EXOC3L1: variants seen among roughly 807,000 people sequenced by gnomAD.
EXOC3L1 encodes the protein exocyst complex component 3-like protein.
A neutral mutation model predicts 83.6 loss-of-function variants in EXOC3L1; 79 were observed. The ratio of observed to expected loss-of-function variants is 0.95; its 90% confidence interval spans 0.79 to 1.14. The LOEUF is 1.14. Ranked by LOEUF, EXOC3L1 falls within the 50% of genes most tolerant of loss-of-function variation. EXOC3L1 has a pLI of 0.00. For missense variants in EXOC3L1, 945 were observed against 972.0 expected (o/e 0.97, Z 0.37); for synonymous variants, 433 against 451.2 (o/e 0.96, Z 0.51).
chr16:67,185,450 C>T lies in EXOC3L1; in HGVS notation c.1537G>A (p.Gly513Arg). The T allele has an allele frequency of 6.2e-7, 1 of 1,610,908 alleles. No individual in the cohort carries two copies. The highest frequency in any genetic ancestry group is 1.1e-5 in the South Asian group (1 of 91,076). The change falls in exon 10 of 14, where the codon GGG becomes AGG. Residue 513 changes from glycine (G) to arginine (R), a missense_variant. Coordinates refer to ENST00000314586, the MANE Select transcript of EXOC3L1 (RefSeq NM_178516.4). The part of the protein sequence containing the change: ...SVLQLDGAPS[G>R]ALAPVEAALD... ...GCAGCTTCCACTGGAGCCAAGGCCC[C>T]TGAAGGCGCCCCGTCCAGCTGCAGG...
chr16:67,189,184 G>A lies in EXOC3L1; in HGVS notation c.47-4C>T. On this transcript the variant is annotated splice_region_variant and splice_polypyrimidine_tract_variant and intron_variant, in intron 2 of 13. Transcript: ENST00000314586. Reference sequence around the variant, plus strand: ...TCCTGCTCTGGCCACTCAGGTCCTGGGAAGGAAGAGCCTGGGCAGCCGTGT... The same window carrying A: ...TCCTGCTCTGGCCACTCAGGTCCTGAGAAGGAAGAGCCTGGGCAGCCGTGT... 1 of 1,591,974 alleles carries A rather than the reference G, an allele frequency of 6.3e-7. No homozygotes were observed. The highest frequency in any genetic ancestry group is 2.3e-5 in the East Asian group (1 of 44,432).
chr16:67,186,295 T>C lies in EXOC3L1; in HGVS notation c.1438A>G (p.Met480Val). 1.3e-6 allele frequency: 2 copies of C among 1,576,618 alleles called. No individual in the cohort carries two copies. The highest frequency in any genetic ancestry group is 1.7e-6 in the Non-Finnish European group (2 of 1,160,188). Reference sequence around the variant, plus strand: ...AGGTAGGGCACGTAATGAGGGGCCATTGATTTCCCCCTGAAGTGGTCTCGG... The same window carrying C: ...AGGTAGGGCACGTAATGAGGGGCCACTGATTTCCCCCTGAAGTGGTCTCGG... ...FSRDHFRGKS[M>V]APHYVPYLLA... is the part of the protein sequence containing the mutation. The change falls in exon 9 of 14, where the codon ATG becomes GTG. Residue 480 changes from methionine (M) to valine (V), a missense_variant. Met to Val is a conservative substitution (Grantham distance 21). Transcript: ENST00000314586.
chr16:67,189,739 T>G, intron 1 of EXOC3L1, 56 bp from the exon 2 acceptor site: 1 of 1,531,478 alleles, frequency 6.5e-7, no homozygotes, highest in Non-Finnish European at 9.0e-7. Context: ...TAGATGCCCC[T>G]GTGAGCTGCT....
In EXOC3L1 at chr16:67,189,466, G is replaced by A. The variant is rs530490507; in HGVS notation, c.46+165C>T. Among the ~76,000 whole-genome samples, 7 of 152,200 alleles carry A rather than the reference G, an allele frequency of 4.6e-5. No individual in the cohort carries two copies. In the South Asian group the frequency reaches 1.5e-3, roughly 32 times the overall value. ...TAGTTTTTGTATTTTTAGTAGAGAC[G>A]GGGTTTCACTATGTTGGCCAGGTTG... On this transcript the variant is annotated intron_variant, in intron 2 of 13. Coordinates refer to ENST00000314586, the MANE Select transcript of EXOC3L1 (RefSeq NM_178516.4).
intron 2 of EXOC3L1, 73 bp downstream of exon 2, chr16:67,189,558 T>C (rs2032826048): frequency 2.5e-6 from 4 of 1,569,184 alleles, no homozygotes; most frequent in East Asian, 2.2e-5. Flanking sequence ...ATTACAGGCG[T>C]GAGCCACTGC....
At position 67,187,236 on chromosome 16, in the gene EXOC3L1, A is replaced by C. The variant is rs1380318540; in HGVS notation, c.1029T>G (p.His343Gln). The change falls in exon 5 of 14, where the codon CAT (histidine) becomes CAG (glutamine). Residue 343 changes from histidine to glutamine, a missense_variant. Coordinates refer to ENST00000314586, the MANE Select transcript of EXOC3L1 (RefSeq NM_178516.4). ...DAFALLHWAL[H>Q]VYLGQEMMGS... ...CCAAAGGCACTGACCCCAGGTACAC[A>C]TGCAGTGCCCAGTGCAGCAAGGCGA... 1 of 1,610,944 alleles carries C rather than the reference A, an allele frequency of 6.2e-7. No homozygotes were observed. Among genetic ancestry groups the C allele is most frequent in the South Asian group, 1.1e-5 (1 of 91,052 alleles).
rs1159124994 is a variant in EXOC3L1 at position 67,184,479 on chromosome 16, A to G, written c.2156T>C (p.Phe719Ser). The change falls in exon 14 of 14, where the codon TTC becomes TCC. Residue 719 changes from phenylalanine to serine, a missense_variant. Phe to Ser is a radical substitution (Grantham distance 155). Coordinates refer to ENST00000314586, the MANE Select transcript of EXOC3L1 (RefSeq NM_178516.4). ...GAGCGCGGGCGCGGGCACTAGGCTG[A>G]AGAGGACGCGGCGGCTCGCGCGGGG... is the stretch of plus-strand genomic sequence containing the variant. Reference protein sequence around the residue: ...PSPRASRRVLFSLVPAPALAP... With the variant: ...PSPRASRRVLSSLVPAPALAP... The G allele has an allele frequency of 2.4e-5, 36 of 1,528,042 alleles. No homozygotes were observed. The highest frequency in any genetic ancestry group is 3.1e-5 in the Non-Finnish European group (36 of 1,143,826). 94.7% of individuals were successfully genotyped at this position (1,528,042 alleles called of 1,614,324 possible). A position where few individuals can be genotyped will look rare whatever the true frequency, so the allele number is the denominator to read the frequency against.
chr16:67,189,933 G>T, intron 1 of EXOC3L1, 38 bp downstream of exon 1: 1 of 564,782 alleles, frequency 1.8e-6, no homozygotes, highest in Non-Finnish European at 3.2e-6. Context: ...CCCTGGTCCT[G>T]CTCTGAGCTG....
At position 67,188,869 on chromosome 16, in the gene EXOC3L1, C is replaced by T. The variant is rs756209034; in HGVS notation, c.279G>A (p.Val93=). 5.0e-6 allele frequency: 8 copies of T among 1,612,904 alleles called. No homozygotes were observed. In the South Asian group the frequency reaches 8.8e-5, roughly 18 times the overall value. ...VWQLAQAIEV[V]QGTREALSQA... Reference sequence around the variant, plus strand: ...GGCTCAGGGCCTCCCGGGTTCCCTGCACCACCTCAATGGCCTGGGCCAGCT... The same window carrying T: ...GGCTCAGGGCCTCCCGGGTTCCCTGTACCACCTCAATGGCCTGGGCCAGCT... Residue 93 remains valine, a synonymous_variant, in exon 4 of 14, where the codon GTG becomes GTA. Transcript: ENST00000314586.
At chr16:67,186,722 T>C in intron 7 of EXOC3L1, 37 bp downstream of exon 7, 1 of 1,613,520 alleles carries the variant, frequency 6.2e-7, no homozygotes, top group Non-Finnish European at 8.5e-7. Flanking sequence ...CACTGCCCCA[T>C]GGAGGCTGCC....
intron 9 of EXOC3L1, 72 bp from the exon 10 acceptor site, chr16:67,185,562 C>T: frequency 4.2e-6 from 6 of 1,416,934 alleles, no homozygotes; most frequent in South Asian, 3.5e-5. Flanking sequence ...CCAGACCCTC[C>T]GGCGCCACCT....
At chr16:67,186,510 T>A (rs749157626) in intron 8 of EXOC3L1, 47 bp downstream of exon 8, 1 of 1,591,836 alleles carries the variant, frequency 6.3e-7, no homozygotes. Context: ...TTGGGCTGCC[T>A]GGGGAGCAGG....
At position 67,187,842 on chromosome 16, in the gene EXOC3L1, TGA is replaced by T. The variant is rs767454479; in HGVS notation, c.428-7_428-6del. 1.6e-4 allele frequency: 258 copies of T among 1,574,190 alleles called. No homozygotes were observed. Among genetic ancestry groups the T allele is most frequent in the Non-Finnish European group, 2.1e-4 (245 of 1,157,156 alleles). ...TGTGGGACACTGCAGCCGGCACTAA[TGA>T]GAGTGAAAAGGAGACGGCCCTGGGT... On this transcript the variant is annotated splice_polypyrimidine_tract_variant and splice_region_variant and intron_variant, in intron 4 of 13. Transcript: ENST00000314586.
At chr16:67,187,950 A>T in intron 4 of EXOC3L1, 113 bp from the exon 5 acceptor site, 1 of 1,378,422 alleles carries the variant, frequency 7.3e-7, no homozygotes, top group East Asian at 2.4e-5. Flanking sequence ...ATATTTAACA[A>T]CCAGTAGAGT....
Position 67,188,799 on chromosome 16 carries a change from G to A in EXOC3L1, c.349C>T (p.Leu117=). ...LQGMSQALQT[L]EPLRERVAQH... ...GCAACCCGCTCCCGTAGGGGCTCTA[G>A]AGTCTGTAAGGCCTGGGACATGCCC... The change falls in exon 4 of 14, where the codon CTA becomes TTA. Residue 117 remains leucine, a synonymous_variant. Coordinates refer to ENST00000314586, the MANE Select transcript of EXOC3L1 (RefSeq NM_178516.4). 2 of 1,613,354 alleles carry A rather than the reference G, an allele frequency of 1.2e-6. No individual in the cohort carries two copies. Among genetic ancestry groups the A allele is most frequent in the Non-Finnish European group, 1.7e-6 (2 of 1,180,004 alleles).
intron 2 of EXOC3L1, among the ~76,000 whole-genome samples, chr16:67,189,419 G>A (rs964570713): frequency 6.6e-6 from 1 of 152,228 alleles, no homozygotes; most frequent in Admixed American, 6.5e-5. Flanking sequence ...TGGGATTACA[G>A]GCGCGTGCCA....
At chr16:67,186,930 C>T (rs773860033) in intron 6 of EXOC3L1, 46 bp from the exon 7 acceptor site, 26 of 1,612,848 alleles carry the variant, frequency 1.6e-5, no homozygotes, top group Admixed American at 8.3e-5. Flanking sequence ...GGGATCTGAC[C>T]CTGCTGGAGA....
chr16:67,188,561 A>G, intron 4 of EXOC3L1, among the ~76,000 whole-genome samples, 160 bp downstream of exon 4: 1 of 152,220 alleles, frequency 6.6e-6, no homozygotes, highest in Non-Finnish European at 1.5e-5. Flanking sequence ...TCCCAGGATG[A>G]GCTGCCTCAT....
At chr16:67,186,409 C>G in intron 8 of EXOC3L1, 62 bp from the exon 9 acceptor site, 1 of 1,415,294 alleles carries the variant, frequency 7.1e-7, no homozygotes, top group South Asian at 1.2e-5. Context: ...CAGCCCCAGT[C>G]CCTGGTACTC....
Sources: allele counts gnomAD v4.1 joint callset (sites outside exome capture counted in the v4.1 genomes callset), GRCh38; gene constraint gnomAD v4.1.1; transcripts MANE v1.5; gene names NCBI Gene and HGNC (gene_info 2026-07-23, HGNC 2026-07-21).